The following TMTC3 variants were observed in gnomAD, a reference collection of about 807,000 sequenced individuals.
TMTC3 encodes the protein protein O-mannosyl-transferase TMTC3.
TMTC3 carries 52 observed loss-of-function variants against 92.2 expected under a neutral mutation model. The ratio of observed to expected loss-of-function variants is 0.56; its 90% CI spans 0.45 to 0.71. The LOEUF (loss-of-function observed/expected upper bound fraction) is 0.71, where lower values mean the gene tolerates loss of function less well. TMTC3 is among the 30% of genes least tolerant of loss of function. The probability of loss-of-function intolerance (pLI) is 0.00; values close to 1 mark genes in which losing one functional copy is unlikely to be tolerated. For missense variants in TMTC3, 896 were observed against 1,057.1 expected, an observed-to-expected ratio of 0.85 and a Z score of 2.11; for synonymous variants, 339 against 363.3, an observed-to-expected ratio of 0.93 and a Z score of 0.76.
At chr12:88,148,682 G>A (rs1331539970) in intron 2 of TMTC3, among the ~76,000 whole-genome samples, 178 bp downstream of exon 2, 2 of 151,440 alleles carry the variant, frequency 1.3e-5, no homozygotes, top group African/African-American at 4.8e-5. Flanking sequence ...CTGAGGATGA[G>A]TACTTTAAAG....
intron 4 of TMTC3, among the ~76,000 whole-genome samples, chr12:88,159,250 T>C (rs1447871689): frequency 2.6e-5 from 4 of 152,326 alleles, no homozygotes; most frequent in African/African-American, 7.2e-5. Flanking sequence ...AAATTACTAC[T>C]ACATGGTAGA....
intron 10 of TMTC3, among the ~76,000 whole-genome samples, chr12:88,181,909 A>G (rs981092000): frequency 6.6e-6 from 1 of 152,202 alleles, no homozygotes; most frequent in East Asian, 1.9e-4. Flanking sequence ...GGAGTGAACT[A>G]CTTGTGTAGA....
intron 8 of TMTC3, 60 bp from the exon 9 acceptor site, chr12:88,174,547 G>A: frequency 1.1e-5 from 17 of 1,559,386 alleles, no homozygotes; most frequent in Non-Finnish European, 1.4e-5. Flanking sequence ...GTTCTAAAAG[G>A]TAAAATGCTT....
chr12:88,154,094 A>T (rs1178276610), intron 3 of TMTC3, among the ~76,000 whole-genome samples, 194 bp from the exon 4 acceptor site: 1 of 152,078 alleles, frequency 6.6e-6, no homozygotes, highest in Non-Finnish European at 1.5e-5. Context: ...AAAAGTATAA[A>T]CTGTTAAGAG....
Position 88,195,463 on chromosome 12 carries a change from C to T in TMTC3, c.2559C>T (p.Ser853=). The T allele has an allele frequency of 6.2e-7, 1 of 1,612,666 alleles. No individual in the cohort carries two copies. Among genetic ancestry groups the T allele is most frequent in the African/African-American group, 1.3e-5 (1 of 74,768 alleles). ...GTGTAAAAGAAATTAGAGGTGAATC[C>T]AGACAAACACAAATAGTAAAAACAA... ...TESVKEIRGE[S]RQTQIVKTSD... is the part of the protein sequence containing the mutation. Residue 853 remains serine, a synonymous_variant, in exon 14 of 14, where the codon TCC becomes TCT. Coordinates refer to ENST00000266712, the MANE Select transcript of TMTC3 (RefSeq NM_181783.4).
chr12:88,143,776 G>T (rs192328415), intron 1 of TMTC3, among the ~76,000 whole-genome samples: 1 of 152,100 alleles, frequency 6.6e-6, no homozygotes, highest in East Asian at 1.9e-4. Context: ...CCTGGATCTC[G>T]CCAAGAAAGA....
chr12:88,162,746 C>A (rs1189921839), intron 6 of TMTC3, among the ~76,000 whole-genome samples: 2 of 151,944 alleles, frequency 1.3e-5, no homozygotes, highest in Admixed American at 1.3e-4. Context: ...AATAAATTTT[C>A]TCTTCATTAT....
Position 88,199,212 on chromosome 12 carries a change from C to CA in TMTC3, c.*3564dup. On this transcript the variant is annotated 3_prime_UTR_variant, in exon 14 of 14. Transcript: ENST00000266712. ...ACCAAATTAAGAAAAGGAAACAACT[C>CA]AGACTTGGAATTTTATACGAATTTC... 6.6e-6 allele frequency: 1 copy of CA among 152,130 alleles called. No individual in the cohort carries two copies. The highest frequency in any genetic ancestry group is 1.9e-4 in the East Asian group (1 of 5,176). The allele number at this position is 152,130 out of a possible 1,614,324, so 9.4% of individuals were successfully genotyped here. A position where few individuals can be genotyped will look rare whatever the true frequency, so the allele number is the denominator to read the frequency against.
intron 13 of TMTC3, among the ~76,000 whole-genome samples, chr12:88,193,353 TTAACCACAG>T (rs1257352946): frequency 6.6e-6 from 1 of 152,098 alleles, no homozygotes; most frequent in Non-Finnish European, 1.5e-5. Flanking sequence ...AACTAAATTA[TTAACCACAG>T]TAAATCTGGA....
chr12:88,146,609 G>GTA (rs1487688406), intron 1 of TMTC3, among the ~76,000 whole-genome samples: 1 of 145,270 alleles, frequency 6.9e-6, no homozygotes, highest in African/African-American at 2.6e-5. Context: ...GTGTGTGTGT[G>GTA]TGTATATATA....
chr12:88,188,154 A>G (rs1263835310), intron 10 of TMTC3, among the ~76,000 whole-genome samples: 1 of 152,196 alleles, frequency 6.6e-6, no homozygotes, highest in East Asian at 1.9e-4. Flanking sequence ...CTTAAGTAAT[A>G]CTATTATCAT....
chr12:88,161,749 T>A (rs957602165), intron 6 of TMTC3, among the ~76,000 whole-genome samples: 1 of 151,498 alleles, frequency 6.6e-6, no homozygotes, highest in Non-Finnish European at 1.5e-5. Flanking sequence ...TTTTAGAACA[T>A]CCTCTGCTTA....
At chr12:88,145,004 C>A (rs1398198799) in intron 1 of TMTC3, among the ~76,000 whole-genome samples, 1 of 152,160 alleles carries the variant, frequency 6.6e-6, no homozygotes, top group Non-Finnish European at 1.5e-5. Flanking sequence ...CTGCCCTAGG[C>A]TTTTGTGAAC....
rs2041543627 is a variant in TMTC3 at position 88,198,652 on chromosome 12, C to G, written c.*3003C>G. ...AATTTGATATGTGAATTACACAGTT[C>G]TAATAAAACCTCATGCCTTTTCATT... On this transcript the variant is annotated 3_prime_UTR_variant, in exon 14 of 14. Coordinates refer to ENST00000266712, the MANE Select transcript of TMTC3 (RefSeq NM_181783.4). 1 of 368,276 alleles carries G rather than the reference C, an allele frequency of 2.7e-6. No individual in the cohort carries two copies. Among genetic ancestry groups the G allele is most frequent in the South Asian group, 1.5e-4 (1 of 6,740 alleles). 22.8% of individuals were successfully genotyped at this position (368,276 alleles called of 1,614,324 possible).
At chr12:88,181,597 G>C (rs573911841) in intron 10 of TMTC3, among the ~76,000 whole-genome samples, 2 of 152,254 alleles carry the variant, frequency 1.3e-5, no homozygotes, top group South Asian at 2.1e-4. Context: ...TTAAAAATAG[G>C]ATATGTACAT....
intron 2 of TMTC3, among the ~76,000 whole-genome samples, chr12:88,152,919 G>C (rs2040959896): frequency 6.6e-6 from 1 of 152,110 alleles, no homozygotes; most frequent in Non-Finnish European, 1.5e-5. Flanking sequence ...ATGAACTTTT[G>C]TATTGCTGAT....
chr12:88,143,183 T>A (rs564875243), intron 1 of TMTC3, among the ~76,000 whole-genome samples: 1 of 149,564 alleles, frequency 6.7e-6, no homozygotes, highest in East Asian at 2.0e-4. Context: ...AACGCTGCTT[T>A]AAAAAAAAAA....
At chr12:88,187,187 T>C (rs1278578088) in intron 10 of TMTC3, among the ~76,000 whole-genome samples, 1 of 139,808 alleles carries the variant, frequency 7.2e-6, no homozygotes, top group Non-Finnish European at 1.5e-5. Flanking sequence ...AAAAAAGATA[T>C]AAAAGCAAAG....
intron 7 of TMTC3, 21 bp from the exon 8 acceptor site, chr12:88,172,576 A>C: frequency 7.8e-7 from 1 of 1,286,992 alleles, no homozygotes; most frequent in South Asian, 2.5e-5. Flanking sequence ...AAATTATTAA[A>C]TCTTCTTTTT....
Sources: gnomAD v4.1 joint callset for allele counts (sites outside exome capture counted in the v4.1 genomes callset) on GRCh38, gnomAD v4.1.1 for gene constraint, MANE v1.5 for transcripts, NCBI Gene and HGNC (gene_info 2026-07-23, HGNC 2026-07-21) for gene names.